The following NOTCH1 variants were observed in gnomAD, a reference collection of about 807,000 sequenced individuals.
NOTCH1 encodes notch receptor 1, also known as neurogenic locus notch homolog protein 1.
Under a neutral mutation model 254.8 loss-of-function variants are expected in NOTCH1, and 37 were observed. That is an observed-to-expected ratio of 0.15 (90% CI 0.11 to 0.19). The LOEUF (loss-of-function observed/expected upper bound fraction) is 0.19, where lower values mean the gene tolerates loss of function less well. Ranked by LOEUF, NOTCH1 falls within the 10% of genes least tolerant of loss-of-function variation. The pLI, the probability that NOTCH1 is intolerant of heterozygous loss-of-function variation, is 1.00. For missense variants in NOTCH1, 2,972 were observed against 3,708.6 expected (o/e 0.80, Z 5.16); for synonymous variants, 1,731 against 1,618.1 (o/e 1.07, Z -1.68).
intron 2 of NOTCH1, among the ~76,000 whole-genome samples, chr9:136,524,543 G>A (rs981814159): frequency 3.9e-5 from 6 of 152,174 alleles, no homozygotes; most frequent in Non-Finnish European, 8.8e-5. Flanking sequence ...CAGTAACAAA[G>A]GCCGTGGTTT....
chr9:136,497,285 C>T lies in NOTCH1; in HGVS notation c.6454G>A (p.Gly2152Ser), dbSNP rs116317506. The change falls in exon 34 of 34, where the codon GGC (glycine) becomes AGC (serine). Residue 2152 changes from glycine (G) to serine (S), a missense_variant. Physicochemically the swap from Gly to Ser is moderately conservative, Grantham distance 56. Transcript: ENST00000651671. The stretch of plus-strand genomic sequence containing the variant: ...TTGCGGACCTTCTTGCCCTGCACGC[C>T]GGGCTTGAGGCTGCCCAGGTAGCCG... ...PNGYLGSLKPGVQGKKVRKPS... is the reference protein window; with the variant it reads ...PNGYLGSLKPSVQGKKVRKPS... 5.2e-5 allele frequency: 83 copies of T among 1,609,254 alleles called. No individual in the cohort carries two copies. The highest frequency in any genetic ancestry group is 8.9e-5 in the East Asian group (4 of 44,882).
rs1843059781 is a variant in NOTCH1, at chr9:136,505,127, A to G, written c.4587-23T>C. On this transcript the variant is annotated intron_variant, in intron 25 of 33. Transcript: ENST00000651671. ...GGGCTGTGGGGGGCGGGACACGCTC[A>G]GGCCGCCTTCCTCGGGGGGCCTCGC... 4 of 1,602,242 alleles carry G rather than the reference A, an allele frequency of 2.5e-6. 1 individual carries two copies. The highest frequency in any genetic ancestry group is 3.4e-6 in the Non-Finnish European group (4 of 1,177,984).
chr9:136,502,584 G>A (rs1019739408), intron 27 of NOTCH1, 96 bp from the exon 28 acceptor site: 21 of 711,224 alleles, frequency 3.0e-5, no homozygotes, highest in African/African-American at 2.2e-4. Flanking sequence ...CTCCGCGTCC[G>A]GGCGCCTCCT....
intron 2 of NOTCH1, among the ~76,000 whole-genome samples, chr9:136,524,320 A>C (rs926282929): frequency 3.3e-5 from 5 of 152,178 alleles, no homozygotes; most frequent in South Asian, 2.1e-4. Context: ...AGAAAGAAGA[A>C]GACAAATGAC....
chr9:136,510,832 T>C, intron 16 of NOTCH1, 27 bp from the exon 17 acceptor site: 2 of 1,604,810 alleles, frequency 1.2e-6, no homozygotes, highest in Non-Finnish European at 1.7e-6. Context: ...GGCCGGTTGG[T>C]CACCAGCGGC....
At chr9:136,523,240 C>T (rs756427530) in intron 3 of NOTCH1, 52 bp from the exon 4 acceptor site, 18 of 1,530,282 alleles carry the variant, frequency 1.2e-5, no homozygotes, top group African/African-American at 4.1e-5. Flanking sequence ...TCCCCGAGGC[C>T]GGGCCTTCCC....
In NOTCH1 at chr9:136,540,259, TC is replaced by T. The variant is rs1239545863; in HGVS notation, c.140+3764del. The stretch of plus-strand genomic sequence containing the variant: ...AGGAGCAGGGGCCATGTCTGCCCTG[TC>T]CCCACCGGGGGCCTGGCCTGGAGCA... On this transcript the variant is annotated intron_variant, in intron 2 of 33. Transcript: ENST00000651671. The surrounding 1 kb of genome is among the most constrained non-coding windows in gnomAD (Gnocchi z 4.4). 2.6e-5 allele frequency among the ~76,000 whole-genome samples: 4 copies of T among 152,196 alleles called. No homozygotes were observed. Among genetic ancestry groups the T allele is most frequent in the Non-Finnish European group, 5.9e-5 (4 of 68,002 alleles).
rs1589084225 is a variant in NOTCH1 at position 136,544,201 on chromosome 9, G to C, written c.62-99C>G. 2.7e-6 allele frequency: 3 copies of C among 1,111,406 alleles called. No individual in the cohort carries two copies. In the East Asian group the frequency reaches 7.7e-5, roughly 29 times the overall value. The allele number at this position is 1,111,406 out of a possible 1,614,324, so 68.8% of individuals were successfully genotyped here. A position where few individuals can be genotyped will look rare whatever the true frequency, so the allele number is the denominator to read the frequency against. Reference sequence around the variant, plus strand: ...GCGGGGACCTGCACCCAGCCAAGGGGCATCGTCCGCCCCCTACCCCGGACG... The same window carrying C: ...GCGGGGACCTGCACCCAGCCAAGGGCCATCGTCCGCCCCCTACCCCGGACG... On this transcript the variant is annotated intron_variant, in intron 1 of 33. Transcript: ENST00000651671.
chr9:136,505,332 G>C lies in NOTCH1; in HGVS notation c.4564C>G (p.Gln1522Glu), dbSNP rs537085062. ...TACTTGCACTGGCCTTCCGCACGCT[G>C]GCAGTCAAAGCCGTCGAAGAGGCAG... is the stretch of plus-strand genomic sequence containing the variant. Reference protein sequence around the residue: ...AGCLFDGFDCQRAEGQCNPLY... With the variant: ...AGCLFDGFDCERAEGQCNPLY... Residue 1522 changes from glutamine to glutamate, a missense_variant, in exon 25 of 34, where the codon CAG becomes GAG. This residue lies in a region of NOTCH1 where 1,343 missense variants were observed against 1,557.0 expected (regional missense o/e 0.86). Transcript: ENST00000651671. 10 of 1,590,986 alleles carry C rather than the reference G, an allele frequency of 6.3e-6. No homozygotes were observed. The South Asian group carries it at 1.1e-4, about 18-fold the overall frequency.
chr9:136,520,483 C>T (rs1589070170), intron 4 of NOTCH1, among the ~76,000 whole-genome samples: 1 of 152,106 alleles, frequency 6.6e-6, no homozygotes, highest in Admixed American at 6.6e-5. Context: ...CCTGGAATCC[C>T]GGCACTTTGG....
Position 136,506,582 on chromosome 9 carries a change from C to T in NOTCH1, c.3959G>A (p.Gly1320Asp), listed in dbSNP as rs1365988179. Residue 1320 changes from glycine (G) to aspartate (D), a missense_variant, in exon 24 of 34, where the codon GGC (glycine) becomes GAC (aspartate). Around this residue, in one of 8 missense-constraint regions of NOTCH1, gnomAD observed 1,343 missense variants for 1,557.0 expected, o/e 0.86. Transcript: ENST00000651671. The surrounding 1 kb of genome is among the most constrained non-coding windows in gnomAD (Gnocchi z 4.5). Reference sequence around the variant, plus strand: ...GGTGTTGGAGGCCACGGCGCAGGTGCCCCCATTCTTGCAGGGCTTGCCTTT... The same window carrying T: ...GGTGTTGGAGGCCACGGCGCAGGTGTCCCCATTCTTGCAGGGCTTGCCTTT... ...GCKGKPCKNG[G>D]TCAVASNTAR... is the part of the protein sequence containing the mutation. 1.2e-6 allele frequency: 2 copies of T among 1,610,818 alleles called. No individual in the cohort carries two copies. Among genetic ancestry groups the T allele is most frequent in the African/African-American group, 1.3e-5 (1 of 75,002 alleles).
At position 136,506,815 on chromosome 9, in the gene NOTCH1, C is replaced by T. The variant is rs2133343595; in HGVS notation, c.3802G>A (p.Val1268Ile). ...CAGGGATTGGACAGGCACTCGTTGA[C>T]ATCCCCCTCACAGCGCTCACCCACG... ...GFVGERCEGDVNECLSNPCDA... is the reference protein window; with the variant it reads ...GFVGERCEGDINECLSNPCDA... The change falls in exon 23 of 34, where the codon GTC becomes ATC. Residue 1268 changes from valine to isoleucine, a missense_variant. Coordinates refer to ENST00000651671, the MANE Select transcript of NOTCH1 (RefSeq NM_017617.5). The surrounding 1 kb of genome is among the most constrained non-coding windows in gnomAD (Gnocchi z 4.5). 3 of 1,612,240 alleles carry T rather than the reference C, an allele frequency of 1.9e-6. No homozygotes were observed. The highest frequency in any genetic ancestry group is 8.5e-7 in the Non-Finnish European group (1 of 1,179,666).
At chr9:136,541,532 A>G (rs2133402875) in intron 2 of NOTCH1, among the ~76,000 whole-genome samples, 1 of 152,268 alleles carries the variant, frequency 6.6e-6, no homozygotes, top group African/African-American at 2.4e-5. Context: ...GACTCTTTCG[A>G]GAAACAGTGT....
intron 27 of NOTCH1, chr9:136,502,730 A>C (rs1843018421): frequency 1.8e-6 from 1 of 569,066 alleles, no homozygotes; most frequent in Admixed American, 3.2e-5. Context: ...TTTCTCCTTT[A>C]AGGAAGGAGG....
chr9:136,518,742 G>A lies in NOTCH1; in HGVS notation c.948C>T (p.His316=), dbSNP rs904456632. The A allele has an allele frequency of 4.2e-5, 68 of 1,612,794 alleles. No individual in the cohort carries two copies. Among genetic ancestry groups the A allele is most frequent in the South Asian group, 6.6e-5 (6 of 91,092 alleles). Reference sequence around the variant, plus strand: ...TGACACACACGCAGTTGTAGCCACCGTGGGTGTTGTGGCAGGTCCCGCCGT... The same window carrying A: ...TGACACACACGCAGTTGTAGCCACCATGGGTGTTGTGGCAGGTCCCGCCGT... ...CQNGGTCHNT[H]GGYNCVCVNG... Residue 316 remains histidine (H), a synonymous_variant, in exon 6 of 34, where the codon CAC becomes CAT. Coordinates refer to ENST00000651671, the MANE Select transcript of NOTCH1 (RefSeq NM_017617.5).
Position 136,544,099 on chromosome 9 carries a change from G to A in NOTCH1, c.65C>T (p.Pro22Leu), listed in dbSNP as rs769046407. ...ALLPALAARG[P>L]RCSQPGETCL... ...GGTCTCACCGGGCTGGGAGCATCGC[G>A]GGCCTAGGCAGGGGCAGGAGAAGAG... is the stretch of plus-strand genomic sequence containing the variant. Residue 22 changes from proline to leucine, a missense_variant, in exon 2 of 34, where the codon CCG becomes CTG. Around this residue, in one of 8 missense-constraint regions of NOTCH1, gnomAD observed 374 missense variants for 496.3 expected, o/e 0.75. Transcript: ENST00000651671. 4 of 1,572,548 alleles carry A rather than the reference G, an allele frequency of 2.5e-6. No individual in the cohort carries two copies. Among genetic ancestry groups the A allele is most frequent in the African/African-American group, 1.4e-5 (1 of 74,030 alleles).
Position 136,497,382 on chromosome 9 carries a change from C to T in NOTCH1, c.6357G>A (p.Val2119=). Residue 2119 remains valine, a synonymous_variant, in exon 34 of 34, where the codon GTG becomes GTA. Transcript: ENST00000651671. Reference sequence around the variant, plus strand: ...GGGCTCCGTGCAGCTGCGGGCTGCGCACCAGGTTGTACTCGTCCAGCAGCC... The same window carrying T: ...GGGCTCCGTGCAGCTGCGGGCTGCGTACCAGGTTGTACTCGTCCAGCAGCC... ...IVRLLDEYNL[V]RSPQLHGAPL... 1.9e-6 allele frequency: 3 copies of T among 1,609,406 alleles called. No homozygotes were observed. In the South Asian group the frequency reaches 3.3e-5, roughly 18 times the overall value.
Position 136,510,643 on chromosome 9 carries a change from G to A in NOTCH1, c.2740+10C>T. ...TTCCTGGAGGAGGCCAGAGCCGCGG[G>A]GCTACTCACTGGGCCGGCAGTCGTC... On this transcript the variant is annotated intron_variant, in intron 17 of 33. Transcript: ENST00000651671. 1 of 1,602,602 alleles carries A rather than the reference G, an allele frequency of 6.2e-7. No homozygotes were observed. Among genetic ancestry groups the A allele is most frequent in the Non-Finnish European group, 8.5e-7 (1 of 1,178,174 alleles).
At chr9:136,503,109 CA>C (rs1193829141) in intron 27 of NOTCH1, 72 bp downstream of exon 27, 11 of 1,601,558 alleles carry the variant, frequency 6.9e-6, no homozygotes, top group African/African-American at 4.0e-5. Flanking sequence ...CACAAACAGC[CA>C]GCGTGTCTGG....
Sources: gnomAD v4.1 joint callset for allele counts (sites outside exome capture counted in the v4.1 genomes callset) on GRCh38, gnomAD v4.1.1 for gene constraint, gnomAD v4.1.1 regional missense constraint, Gnocchi (gnomAD v3.1) non-coding constraint, MANE v1.5 for transcripts, NCBI Gene and HGNC (gene_info 2026-07-23, HGNC 2026-07-21) for gene names.